Variants in ADAMTS9 observed in about 807,000 individuals in gnomAD.
ADAMTS9 encodes the protein ADAM metallopeptidase with thrombospondin type 1 motif 9.
A neutral mutation model predicts 257.1 loss-of-function variants in ADAMTS9; 107 were observed. That is an observed-to-expected ratio of 0.42 (90% CI 0.36 to 0.49). The LOEUF (loss-of-function observed/expected upper bound fraction) is 0.49. Ranked by LOEUF, ADAMTS9 falls within the 20% of genes least tolerant of loss-of-function variation. The pLI is 0.03. For synonymous variants in ADAMTS9, 982 were observed against 880.9 expected (o/e 1.11, Z -2.03); for missense variants, 2,353 against 2,469.1 (o/e 0.95, Z 1.00).
chr3:64,612,712 T>C (rs1209155754), intron 22 of ADAMTS9, among the ~76,000 whole-genome samples: 5 of 152,116 alleles, frequency 3.3e-5, no homozygotes, highest in Admixed American at 3.3e-4. Flanking sequence ...GCTTCTATAT[T>C]AGGAAGGACT....
At chr3:64,660,428 C>T (rs550717119) in intron 3 of ADAMTS9, among the ~76,000 whole-genome samples, 1 of 152,064 alleles carries the variant, frequency 6.6e-6, no homozygotes, top group Non-Finnish European at 1.5e-5. Flanking sequence ...TTCATGGTTT[C>T]GGTTCCCTTG....
chr3:64,533,077 G>T, intron 38 of ADAMTS9, 89 bp downstream of exon 38: 1 of 1,198,568 alleles, frequency 8.3e-7, no homozygotes, highest in Non-Finnish European at 1.2e-6. Context: ...ACATTCGTTT[G>T]CTCCTTCAGC....
intron 14 of ADAMTS9, 109 bp downstream of exon 14, chr3:64,633,363 C>A (rs1051639801): frequency 2.7e-6 from 4 of 1,490,330 alleles, no homozygotes; most frequent in Non-Finnish European, 3.6e-6. Context: ...AGAACCACTG[C>A]CCTGGCAACA....
chr3:64,656,000 G>A, intron 4 of ADAMTS9, 125 bp from the exon 5 acceptor site: 1 of 583,976 alleles, frequency 1.7e-6, no homozygotes, highest in Non-Finnish European at 3.0e-6. Context: ...TTGTGGTTGT[G>A]AATTTTTCAT....
Position 64,649,751 on chromosome 3 carries a change from G to C in ADAMTS9, c.1491C>G (p.Asn497Lys), listed in dbSNP as rs370623119. Reference protein sequence around the residue: ...LDTGYGECLLNEPESRPYPLP... With the variant: ...LDTGYGECLLKEPESRPYPLP... ...AAGGGTAGGGTCTGGATTCAGGTTC[G>C]TTAAGCAAACACTCGCCATAACCAG... The change falls in exon 10 of 40, where the codon AAC becomes AAG. Residue 497 changes from asparagine (N) to lysine (K), a missense_variant. Transcript: ENST00000498707. 3 of 1,613,834 alleles carry C rather than the reference G, an allele frequency of 1.9e-6. No homozygotes were observed. Among genetic ancestry groups the C allele is most frequent in the Admixed American group, 3.3e-5 (2 of 59,988 alleles).
intron 38 of ADAMTS9, among the ~76,000 whole-genome samples, chr3:64,525,362 C>T (rs1248754845): frequency 6.6e-6 from 1 of 151,988 alleles, no homozygotes; most frequent in Non-Finnish European, 1.5e-5. Flanking sequence ...ATAATTCCAC[C>T]CCTCCACCCT....
chr3:64,645,484 C>T lies in ADAMTS9; in HGVS notation c.1710+2456G>A, dbSNP rs1014763460. Among the ~76,000 whole-genome samples, 4 of 152,234 alleles carry T rather than the reference C, an allele frequency of 2.6e-5. No homozygotes were observed. In the East Asian group the frequency reaches 7.7e-4, roughly 29 times the overall value. ...AGAAAGAAGAAAAAGAAAGAAAAAA[C>T]ATTAACCCAGCAGCCAAGGGAGGCA... On this transcript the variant is annotated intron_variant, in intron 11 of 39. Coordinates refer to ENST00000498707, the MANE Select transcript of ADAMTS9 (RefSeq NM_182920.2).
chr3:64,629,147 T>C (rs11707060), intron 16 of ADAMTS9, among the ~76,000 whole-genome samples: 86,581 of 152,040 alleles, frequency 0.57, 27,299 homozygotes, highest in African/African-American at 0.85. Flanking sequence ...CCACTTTCAC[T>C]GCTCCCATTG....
In ADAMTS9 at chr3:64,561,707, G is replaced by A. The variant is rs752916517; in HGVS notation, c.4569C>T (p.Gly1523=). Residue 1523 remains glycine (G), a synonymous_variant, in exon 30 of 40, where the codon GGC becomes GGT. Transcript: ENST00000498707. ...CGRGVQQRHV[G]CQIGTHKIAR... is the part of the protein sequence containing the mutation. ...CTATTTTGTGTGTTCCGATCTGACA[G>A]CCCACATGCCTCTGCTGTACGCCTC... 2 of 1,585,682 alleles carry A rather than the reference G, an allele frequency of 1.3e-6. No homozygotes were observed. The highest frequency in any genetic ancestry group is 2.7e-5 in the African/African-American group (2 of 73,404).
intron 16 of ADAMTS9, among the ~76,000 whole-genome samples, chr3:64,623,717 T>A (rs989787103): frequency 6.6e-6 from 1 of 152,230 alleles, no homozygotes; most frequent in Non-Finnish European, 1.5e-5. Context: ...TTTCTCATCT[T>A]TCTCCATGGC....
At chr3:64,651,312 A>G (rs1201607987) in intron 8 of ADAMTS9, 149 bp from the exon 9 acceptor site, 4 of 580,930 alleles carry the variant, frequency 6.9e-6, no homozygotes, top group East Asian at 3.3e-5. Context: ...AATAAAATGT[A>G]AGACAATTCA....
rs1700129332 is a variant in ADAMTS9 at position 64,622,331 on chromosome 3, G to A, written c.2557-4C>T. The A allele has an allele frequency of 1.2e-6, 2 of 1,613,590 alleles. No homozygotes were observed. Among genetic ancestry groups the A allele is most frequent in the East Asian group, 4.5e-5 (2 of 44,804 alleles). ...ACAACTTTCCCACCGACAAAACCTA[G>A]AATGTGTGGACAAAACAGAAACGAA... On this transcript the variant is annotated splice_polypyrimidine_tract_variant and splice_region_variant and intron_variant, in intron 17 of 39. Transcript: ENST00000498707.
rs1245168931 is a variant in ADAMTS9 at position 64,647,960 on chromosome 3, T to C, written c.1690A>G (p.Thr564Ala). 1 of 1,613,914 alleles carries C rather than the reference T, an allele frequency of 6.2e-7. No individual in the cohort carries two copies. The change falls in exon 11 of 40, where the codon ACG (threonine) becomes GCG (alanine). Residue 564 changes from threonine to alanine, a missense_variant. Physicochemically the swap from Thr to Ala is moderately conservative, Grantham distance 58. This residue lies in a region of ADAMTS9 where 360 missense variants were observed against 458.1 expected (regional missense o/e 0.79). Coordinates refer to ENST00000498707, the MANE Select transcript of ADAMTS9 (RefSeq NM_182920.2). The part of the protein sequence containing the change: ...RTQHTPWADG[T>A]ECEPGKHCKY... ...CTTGCCTTTCCAGGCTCGCACTCCG[T>C]CCCATCGGCCCAGGGTGTGTGCTGA...
In ADAMTS9 at chr3:64,604,030, A is replaced by G. The variant is rs2084512620; in HGVS notation, c.3639T>C (p.Asn1213=). 6.2e-7 allele frequency: 1 copy of G among 1,614,062 alleles called. No individual in the cohort carries two copies. Among genetic ancestry groups the G allele is most frequent in the South Asian group, 1.1e-5 (1 of 91,084 alleles). The change falls in exon 25 of 40, where the codon AAT becomes AAC. Residue 1213 remains asparagine (N), a synonymous_variant. Transcript: ENST00000498707. ...AGGCACTCTCGTCAGCCACAGAGCCATTCTCATCTCGGCAGCTGACGTATC... is the reference window on the plus strand; with the variant it reads ...AGGCACTCTCGTCAGCCACAGAGCCGTTCTCATCTCGGCAGCTGACGTATC... The part of the protein sequence containing the change: ...RMRYVSCRDE[N]GSVADESACA...
Position 64,616,128 on chromosome 3 carries a change from G to C in ADAMTS9, c.2856C>G (p.Gly952=). 1 of 1,614,062 alleles carries C rather than the reference G, an allele frequency of 6.2e-7. No homozygotes were observed. The highest frequency in any genetic ancestry group is 8.5e-7 in the Non-Finnish European group (1 of 1,179,982). The stretch of plus-strand genomic sequence containing the variant: ...AGATGTCCAATGTGCGGTAACCCAA[G>C]CCACACTGGGCACTACATTCACTCC... The part of the protein sequence containing the change: ...ASRSECSAQC[G]LGYRTLDIYC... The change falls in exon 20 of 40, where the codon GGC becomes GGG. Residue 952 remains glycine, a synonymous_variant. Coordinates refer to ENST00000498707, the MANE Select transcript of ADAMTS9 (RefSeq NM_182920.2).
Position 64,594,322 on chromosome 3 carries a change from C to G in ADAMTS9, c.4292G>C (p.Arg1431Pro). ...SCEILDKPPD[R>P]EQCNTHACPH... ...ACAAGCATGTGTGTTACACTGCTCA[C>G]GATCGGGAGGTTTATCAAGAATTTC... is the stretch of plus-strand genomic sequence containing the variant. Residue 1431 changes from arginine to proline, a missense_variant, in exon 28 of 40, where the codon CGT (arginine) becomes CCT (proline). This residue lies in a region of ADAMTS9 where 1,402 missense variants were observed against 1,441.4 expected (regional missense o/e 0.97). Coordinates refer to ENST00000498707, the MANE Select transcript of ADAMTS9 (RefSeq NM_182920.2). 6.2e-7 allele frequency: 1 copy of G among 1,613,202 alleles called. No individual in the cohort carries two copies. The highest frequency in any genetic ancestry group is 8.5e-7 in the Non-Finnish European group (1 of 1,179,724).
chr3:64,606,870 A>G lies in ADAMTS9; in HGVS notation c.3474+90T>C. On this transcript the variant is annotated intron_variant, in intron 23 of 39. Transcript: ENST00000498707. ...GGTTGCTCTACTGACATACTTATCT[A>G]TGAAAGGATTTCAATTTTGTCTAAA... 5 of 1,532,662 alleles carry G rather than the reference A, an allele frequency of 3.3e-6. No homozygotes were observed. The South Asian group carries it at 4.9e-5, about 15-fold the overall frequency. 94.9% of individuals were successfully genotyped at this position (1,532,662 alleles called of 1,614,324 possible). A position where few individuals can be genotyped will look rare whatever the true frequency, so the allele number is the denominator to read the frequency against.
At chr3:64,605,865 T>C (rs1344432808) in intron 23 of ADAMTS9, among the ~76,000 whole-genome samples, 1 of 152,256 alleles carries the variant, frequency 6.6e-6, no homozygotes, top group Non-Finnish European at 1.5e-5. Flanking sequence ...AAAGGAGGTA[T>C]AGCAATTTTG....
chr3:64,613,772 A>T (rs559426640), intron 21 of ADAMTS9, among the ~76,000 whole-genome samples: 2 of 152,342 alleles, frequency 1.3e-5, no homozygotes, highest in East Asian at 1.9e-4. Flanking sequence ...GAAAAACAAC[A>T]TTCATAATTT....
Sources: gnomAD v4.1 joint callset for allele counts (sites outside exome capture counted in the v4.1 genomes callset) on GRCh38, gnomAD v4.1.1 for gene constraint, gnomAD v4.1.1 regional missense constraint, MANE v1.5 for transcripts, NCBI Gene and HGNC (gene_info 2026-07-23, HGNC 2026-07-21) for gene names.